Variants in RAPGEF1 observed in about 807,000 individuals in gnomAD.
RAPGEF1 encodes the protein CRK SH3-binding GNRP.
RAPGEF1 carries 33 observed loss-of-function variants against 143.3 expected under a neutral mutation model. The observed-to-expected ratio is 0.23, with a 90% CI of 0.17 to 0.31. RAPGEF1 has a LOEUF of 0.31. RAPGEF1 is among the 10% of genes least tolerant of loss of function. RAPGEF1 has a pLI of 1.00. For synonymous variants in RAPGEF1, 629 were observed against 676.5 expected, an observed-to-expected ratio of 0.93 and a Z score of 1.09; for missense variants, 1,199 against 1,645.4, an observed-to-expected ratio of 0.73 and a Z score of 4.69.
intron 1 of RAPGEF1, among the ~76,000 whole-genome samples, chr9:131,717,613 A>G (rs1835950539): frequency 6.6e-6 from 1 of 152,088 alleles, no homozygotes; most frequent in African/African-American, 2.4e-5. Flanking sequence ...CTCTATTAAA[A>G]ACACAAGATA....
intron 1 of RAPGEF1, among the ~76,000 whole-genome samples, chr9:131,657,020 G>A (rs1355935375): frequency 6.6e-6 from 1 of 152,194 alleles, no homozygotes; most frequent in African/African-American, 2.4e-5. Context: ...GCTGGAAATC[G>A]AGGACAGCAC....
chr9:131,699,406 G>C (rs576387008), intron 1 of RAPGEF1, among the ~76,000 whole-genome samples: 1 of 152,124 alleles, frequency 6.6e-6, no homozygotes, highest in African/African-American at 2.4e-5. Flanking sequence ...CACCATGCCT[G>C]GCTAATTTTG....
At chr9:131,661,519 G>T (rs1465444389) in intron 1 of RAPGEF1, among the ~76,000 whole-genome samples, 1 of 152,136 alleles carries the variant, frequency 6.6e-6, no homozygotes, top group Admixed American at 6.5e-5. Context: ...GGTTGTACCA[G>T]TGTGTTCAAC....
intron 12 of RAPGEF1, among the ~76,000 whole-genome samples, chr9:131,607,221 A>G (rs764864368): frequency 2.6e-5 from 4 of 152,234 alleles, no homozygotes; most frequent in Non-Finnish European, 4.4e-5. Context: ...ACATGTGACC[A>G]GCACTGAACA....
Position 131,650,211 on chromosome 9 carries a change from T to C in RAPGEF1, c.233A>G (p.Tyr78Cys), listed in dbSNP as rs962572451. 2 of 1,613,792 alleles carry C rather than the reference T, an allele frequency of 1.2e-6. No individual in the cohort carries two copies. Among genetic ancestry groups the C allele is most frequent in the Non-Finnish European group, 1.7e-6 (2 of 1,179,774 alleles). The part of the protein sequence containing the change: ...EATDRFLPEG[Y>C]PLPLDLEQQA... ...CTGCTCCAGATCCAAGGGGAGAGGGTAGCCCTCTGGTAGAAATCTGTCTGT... is the reference window on the plus strand; with the variant it reads ...CTGCTCCAGATCCAAGGGGAGAGGGCAGCCCTCTGGTAGAAATCTGTCTGT... The change falls in exon 3 of 27, where the codon TAC becomes TGC. Residue 78 changes from tyrosine to cysteine, a missense_variant. Coordinates refer to ENST00000683357, the MANE Select transcript of RAPGEF1 (RefSeq NM_001377935.1). This position sits in a 1 kb window ranked among gnomAD's most constrained non-coding sequence, Gnocchi z 4.7.
intron 1 of RAPGEF1, 81 bp from the exon 2 acceptor site, chr9:131,651,030 T>C (rs1221405996): frequency 1.4e-5 from 21 of 1,505,740 alleles, no homozygotes; most frequent in Non-Finnish European, 1.8e-5. Context: ...AAATGAGCAA[T>C]GTCCCCAAAC....
intron 1 of RAPGEF1, among the ~76,000 whole-genome samples, chr9:131,659,873 C>T (rs952137150): frequency 2.6e-5 from 4 of 152,100 alleles, no homozygotes; most frequent in Non-Finnish European, 5.9e-5. Flanking sequence ...GGCTGGAGTG[C>T]AGTGGCGTGA....
At chr9:131,604,107 C>T (rs1270479442) in intron 13 of RAPGEF1, 54 bp from the exon 14 acceptor site, 1 of 1,172,440 alleles carries the variant, frequency 8.5e-7, no homozygotes, top group Non-Finnish European at 1.1e-6. Context: ...TCCAGCCGGC[C>T]CTCACAGCTG....
At chr9:131,622,969 T>C (rs1299582252) in intron 10 of RAPGEF1, among the ~76,000 whole-genome samples, 1 of 152,194 alleles carries the variant, frequency 6.6e-6, no homozygotes, top group East Asian at 1.9e-4. Context: ...GGTTTTGCCA[T>C]GTTGGTCTGG....
At chr9:131,613,886 T>G (rs546757358) in intron 12 of RAPGEF1, among the ~76,000 whole-genome samples, 2 of 152,096 alleles carry the variant, frequency 1.3e-5, no homozygotes, top group Non-Finnish European at 2.9e-5. Context: ...CTTGAGGGTA[T>G]AGACTTGTAG....
At chr9:131,652,600 G>A (rs560263337) in intron 1 of RAPGEF1, among the ~76,000 whole-genome samples, 8 of 151,974 alleles carry the variant, frequency 5.3e-5, no homozygotes, top group African/African-American at 1.7e-4. Context: ...AGGTCTACGG[G>A]GGCAGGATCA....
rs191687889 is a variant in RAPGEF1 at position 131,583,646 on chromosome 9, T to C, written c.3414+665A>G. Among the ~76,000 whole-genome samples, 18 of 152,288 alleles carry C rather than the reference T, an allele frequency of 1.2e-4. No individual in the cohort carries two copies. Among genetic ancestry groups the C allele is most frequent in the African/African-American group, 2.4e-4 (10 of 41,576 alleles). On this transcript the variant is annotated intron_variant, in intron 24 of 26. Coordinates refer to ENST00000683357, the MANE Select transcript of RAPGEF1 (RefSeq NM_001377935.1). The surrounding 1 kb of genome is among the most constrained non-coding windows in gnomAD (Gnocchi z 4.7). ...GGTTTTGCCCCCATTTGCAATATTATTTCCCTACACAGGATAAAGGTCCAA... is the reference window on the plus strand; with the variant it reads ...GGTTTTGCCCCCATTTGCAATATTACTTCCCTACACAGGATAAAGGTCCAA...
intron 12 of RAPGEF1, among the ~76,000 whole-genome samples, chr9:131,608,064 G>A (rs933009258): frequency 6.6e-6 from 1 of 152,188 alleles, no homozygotes; most frequent in African/African-American, 2.4e-5. Context: ...TGGCATCTCC[G>A]CTTGTGTGCC....
chr9:131,619,337 GC>G lies in RAPGEF1; in HGVS notation c.1906-132del, dbSNP rs1960037270. 31 of 790,234 alleles carry G rather than the reference GC, an allele frequency of 3.9e-5. 1 individual carries two copies. The South Asian group carries it at 5.0e-4, about 13-fold the overall frequency. The allele number at this position is 790,234 out of a possible 1,614,324, so 49.0% of individuals were successfully genotyped here. On this transcript the variant is annotated intron_variant, in intron 11 of 26. Coordinates refer to ENST00000683357, the MANE Select transcript of RAPGEF1 (RefSeq NM_001377935.1). The stretch of plus-strand genomic sequence containing the variant: ...CTAACAGACGTTCTGGAGAGGGATG[GC>G]TTCTGGGCCCAGTTCAGGGACTAAA...
At chr9:131,579,754 A>C in intron 26 of RAPGEF1, 107 bp from the exon 27 acceptor site, 1 of 1,236,624 alleles carries the variant, frequency 8.1e-7, no homozygotes, top group Admixed American at 2.4e-5. Context: ...ACAGCCTCGC[A>C]GCAAACGGAT....
At chr9:131,685,426 C>T (rs184536065) in intron 1 of RAPGEF1, among the ~76,000 whole-genome samples, 1 of 152,264 alleles carries the variant, frequency 6.6e-6, no homozygotes, top group East Asian at 1.9e-4. Context: ...TGTGGGTTCA[C>T]GGGAATGAGG....
intron 1 of RAPGEF1, among the ~76,000 whole-genome samples, chr9:131,651,738 CA>C (rs2133459478): frequency 6.6e-6 from 1 of 152,312 alleles, no homozygotes; most frequent in South Asian, 2.1e-4. Flanking sequence ...AAAGAAAATA[CA>C]GTCATGTGTT....
At chr9:131,711,397 A>T (rs569851507) in intron 1 of RAPGEF1, among the ~76,000 whole-genome samples, 1 of 143,728 alleles carries the variant, frequency 7.0e-6, no homozygotes, top group East Asian at 2.1e-4. Context: ...TCACTCTGTC[A>T]CCCAGGCAGG....
At chr9:131,651,179 G>T (rs1345441947) in intron 1 of RAPGEF1, among the ~76,000 whole-genome samples, 1 of 152,134 alleles carries the variant, frequency 6.6e-6, no homozygotes, top group East Asian at 1.9e-4. Context: ...AAATAAATAT[G>T]GAAAAAGAAC....
Sources: allele counts gnomAD v4.1 joint callset (sites outside exome capture counted in the v4.1 genomes callset), GRCh38; gene constraint gnomAD v4.1.1; non-coding constraint Gnocchi (gnomAD v3.1); transcripts MANE v1.5; gene names NCBI Gene and HGNC (gene_info 2026-07-23, HGNC 2026-07-21).